CCNH: variants seen among roughly 807,000 people sequenced by gnomAD.
CCNH encodes the protein cyclin H.
In CCNH, 31 loss-of-function variants were observed where a neutral mutation model predicts 41.9. That is an observed-to-expected ratio of 0.74 (90% CI 0.56 to 1.00). The LOEUF is 1.00. CCNH is among the 50% of genes least tolerant of loss of function. The pLI is 0.00. For missense variants in CCNH, 362 were observed against 388.4 expected (o/e 0.93, Z 0.57); for synonymous variants, 138 against 136.1 (o/e 1.01, Z -0.10).
chr5:87,332,619 C>T, intron 9 of CCNH: 7 of 1,610,846 alleles, frequency 4.3e-6, no homozygotes, highest in Non-Finnish European at 5.9e-6. Flanking sequence ...AGAAAAATTA[C>T]TTTACCCAGT....
At chr5:87,369,942 A>T (rs767867506) in intron 9 of CCNH, 3 of 1,494,234 alleles carry the variant, frequency 2.0e-6, no homozygotes, top group East Asian at 4.5e-5. Flanking sequence ...CTTTTATGTT[A>T]GCCCATGTTT....
chr5:87,346,156 C>T (rs1439875431), intron 9 of CCNH, among the ~76,000 whole-genome samples: 1 of 152,014 alleles, frequency 6.6e-6, no homozygotes, highest in Non-Finnish European at 1.5e-5. Context: ...CTAAGTCCTT[C>T]TTTTCTTTCA....
At chr5:87,353,128 A>T in intron 9 of CCNH, 2 of 1,559,376 alleles carry the variant, frequency 1.3e-6, no homozygotes, top group Non-Finnish European at 1.8e-6. Flanking sequence ...TATGAGACAG[A>T]TTAATACTAG....
At chr5:87,370,762 AC>A (rs1760875919) in intron 9 of CCNH, among the ~76,000 whole-genome samples, 1 of 152,168 alleles carries the variant, frequency 6.6e-6, no homozygotes. Context: ...TAACGAAGGA[AC>A]TTAAAGGTGG....
At chr5:87,312,868 A>C in the CCNH span, among the ~76,000 whole-genome samples, 1 of 152,236 alleles carries the variant, frequency 6.6e-6, no homozygotes, top group African/African-American at 2.4e-5. Context: ...AGAAAAAAAC[A>C]GATTTGTTAG....
chr5:87,372,333 A>G, downstream of CCNH: 3 of 739,438 alleles, frequency 4.1e-6, no homozygotes, highest in East Asian at 5.4e-5. Flanking sequence ...GTAGCAGGAA[A>G]ACGTTACTTC....
At chr5:87,322,583 C>G (rs1283654608) in intron 9 of CCNH, among the ~76,000 whole-genome samples, 1 of 152,090 alleles carries the variant, frequency 6.6e-6, no homozygotes, top group Non-Finnish European at 1.5e-5. Context: ...TGCTAGCTCT[C>G]CCTTTGCCTT....
At chr5:87,323,133 C>A (rs538894308) in intron 9 of CCNH, among the ~76,000 whole-genome samples, 2 of 152,154 alleles carry the variant, frequency 1.3e-5, no homozygotes, top group South Asian at 4.2e-4. Flanking sequence ...TGAATAAATA[C>A]AGAAATGGAA....
At chr5:87,401,811 C>T in intron 5 of CCNH, 39 bp from the exon 6 acceptor site, 1 of 1,212,346 alleles carries the variant, frequency 8.2e-7, no homozygotes. Flanking sequence ...TGAAAACATA[C>T]AGCACATTGA....
chr5:87,387,344 C>A (rs1014402340), downstream of CCNH, among the ~76,000 whole-genome samples: 1 of 152,072 alleles, frequency 6.6e-6, no homozygotes, highest in African/African-American at 2.4e-5. Context: ...GACGTGGATT[C>A]GGTGTTACAC....
downstream of CCNH, among the ~76,000 whole-genome samples, chr5:87,387,969 C>G (rs1762180009): frequency 6.6e-6 from 1 of 152,136 alleles, no homozygotes; most frequent in African/African-American, 2.4e-5. Context: ...TATAATACTA[C>G]CATATTTCTT....
Position 87,401,895 on chromosome 5 carries a change from G to T in CCNH, c.690-123C>A, listed in dbSNP as rs1230076828. The T allele has an allele frequency of 7.4e-6, 4 of 543,738 alleles. No homozygotes were observed. The South Asian group carries it at 1.1e-4, about 15-fold the overall frequency. The allele number at this position is 543,738 out of a possible 1,614,324, so 33.7% of individuals were successfully genotyped here. ...TTAAAAAATTTTTAAATTTATGAAT[G>T]TATAATCTGTAACTCCTATATTTTA... On this transcript the variant is annotated intron_variant, in intron 5 of 8. Coordinates refer to ENST00000256897, the MANE Select transcript of CCNH (RefSeq NM_001239.4).
At chr5:87,353,653 G>A (rs1027213385) in intron 9 of CCNH, among the ~76,000 whole-genome samples, 13 of 152,054 alleles carry the variant, frequency 8.5e-5, no homozygotes, top group East Asian at 1.9e-4. Flanking sequence ...GTAGTTTTAC[G>A]GTGAGAGGAT....
chr5:87,312,634 A>G, the CCNH span, among the ~76,000 whole-genome samples: 1 of 152,204 alleles, frequency 6.6e-6, no homozygotes, highest in Non-Finnish European at 1.5e-5. Context: ...GAGATGAACA[A>G]CTAAACTAAG....
At chr5:87,385,767 T>C (rs886985689) in intron 9 of CCNH, among the ~76,000 whole-genome samples, 20 of 151,578 alleles carry the variant, frequency 1.3e-4, no homozygotes, top group Admixed American at 1.2e-3. Flanking sequence ...AATTGTACTA[T>C]CTAAGGATAA....
chr5:87,344,074 G>C (rs1161433096), intron 9 of CCNH, among the ~76,000 whole-genome samples: 1 of 152,146 alleles, frequency 6.6e-6, no homozygotes, highest in Non-Finnish European at 1.5e-5. Flanking sequence ...GGGAAGGGTA[G>C]CAGGGAAGGG....
At position 87,323,572 on chromosome 5, in the gene CCNH, T is replaced by C. The variant is rs147762192; in HGVS notation, c.*91-4675A>G. Among the ~76,000 whole-genome samples the C allele has an allele frequency of 2.6e-3, 403 of 152,320 alleles. 5 individuals are homozygous for C. Among genetic ancestry groups the C allele is most frequent in the East Asian group, 8.1e-3 (42 of 5,188 alleles). On this transcript the variant is annotated intron_variant and NMD_transcript_variant, in intron 9 of 9. Coordinates refer to the CCNH transcript ENST00000645953. ...AAGAAATTCCATAAGTAAGGTAGTA[T>C]GTCTGTATTCAGCAAGTAAGGTAAC...
At chr5:87,372,981 G>A (rs929024515), downstream of CCNH, among the ~76,000 whole-genome samples, 1 of 152,110 alleles carries the variant, frequency 6.6e-6, no homozygotes, top group Non-Finnish European at 1.5e-5. Flanking sequence ...GGAAATTTAA[G>A]TATACACACA....
At chr5:87,383,706 C>A in intron 9 of CCNH, 1 of 1,604,564 alleles carries the variant, frequency 6.2e-7, no homozygotes. Context: ...ATTTCCCTCC[C>A]ATTCAGTGGT....
Sources: gnomAD v4.1 joint callset for allele counts (sites outside exome capture counted in the v4.1 genomes callset) on GRCh38, gnomAD v4.1.1 for gene constraint, MANE v1.5 for transcripts, NCBI Gene and HGNC (gene_info 2026-07-23, HGNC 2026-07-21) for gene names.